Variants in MCTP1 observed in about 807,000 individuals in gnomAD.
The protein encoded by MCTP1 is multiple C2 and transmembrane domain containing 1, also known as multiple C2 and transmembrane domain-containing protein 1.
In MCTP1, 69 loss-of-function variants were observed where a neutral mutation model predicts 120.6. The ratio of observed to expected loss-of-function variants is 0.57; its 90% CI spans 0.47 to 0.70. The LOEUF (loss-of-function observed/expected upper bound fraction) is 0.70, where lower values mean the gene tolerates loss of function less well. Among genes scored for constraint, MCTP1 ranks in the 30% least tolerant of loss-of-function variants. The probability of loss-of-function intolerance (pLI) is 0.00; values close to 1 mark genes in which losing one functional copy is unlikely to be tolerated. For synonymous variants in MCTP1, 529 were observed against 493.1 expected (o/e 1.07, Z -0.96); for missense variants, 1,203 against 1,248.8 (o/e 0.96, Z 0.55).
At chr5:94,727,815 T>G (rs7735473) in intron 19 of MCTP1, among the ~76,000 whole-genome samples, 34,069 of 152,142 alleles carry the variant, frequency 0.22, 3,929 homozygotes, top group East Asian at 0.35. Context: ...ATCCACCACT[T>G]TCAGACCTTG....
intron 19 of MCTP1, among the ~76,000 whole-genome samples, chr5:94,725,469 T>C (rs1404446000): frequency 1.3e-5 from 2 of 152,208 alleles, no homozygotes; most frequent in Non-Finnish European, 2.9e-5. Context: ...AGGTTTTTTG[T>C]GTGTGTTTCT....
chr5:95,132,481 A>G (rs1379477269), intron 1 of MCTP1, among the ~76,000 whole-genome samples: 1 of 152,268 alleles, frequency 6.6e-6, no homozygotes, highest in African/African-American at 2.4e-5. Context: ...AATGCATAAA[A>G]CAACAGAGAA....
rs1417307304 is a variant in MCTP1, at chr5:94,868,133, A to AG, written c.2436+199dup. On this transcript the variant is annotated intron_variant, in intron 17 of 22. Transcript: ENST00000515393. Reference sequence around the variant, plus strand: ...AGATGTCTTGCGTTCCGGAAATCTGAGGGGGGAAAATGTATTCTTAGACTC... The same window carrying AG: ...AGATGTCTTGCGTTCCGGAAATCTGAGGGGGGGAAAATGTATTCTTAGACTC... 4 of 396,672 alleles carry AG rather than the reference A, an allele frequency of 1.0e-5. No homozygotes were observed. In the East Asian group the frequency reaches 1.6e-4, roughly 16 times the overall value. The allele number at this position is 396,672 out of a possible 1,614,324, so 24.6% of individuals were successfully genotyped here.
intron 17 of MCTP1, among the ~76,000 whole-genome samples, chr5:94,806,397 T>C (rs1230690945): frequency 1.3e-5 from 2 of 152,228 alleles, no homozygotes; most frequent in African/African-American, 4.8e-5. Flanking sequence ...CAAGGCATAC[T>C]ATACAAAGTA....
chr5:95,224,506 C>CT lies in MCTP1; in HGVS notation c.720+59349dup, dbSNP rs11324947. Among the ~76,000 whole-genome samples, 335 of 111,378 alleles carry CT rather than the reference C, an allele frequency of 3.0e-3. 2 individuals are homozygous for CT. Among genetic ancestry groups the CT allele is most frequent in the African/African-American group, 7.1e-3 (206 of 29,158 alleles). 73.1% of individuals were successfully genotyped at this position (111,378 alleles called of 152,430 possible). A position where few individuals can be genotyped will look rare whatever the true frequency, so the allele number is the denominator to read the frequency against. On this transcript the variant is annotated intron_variant, in intron 1 of 22. Coordinates refer to ENST00000515393, the MANE Select transcript of MCTP1 (RefSeq NM_024717.7). ...AATATTTTAGGTGCACACAGACTGT[C>CT]TTTTTTTTTTTTTTTTTTTGAGACA...
intron 1 of MCTP1, among the ~76,000 whole-genome samples, chr5:95,017,773 A>G (rs1222170456): frequency 1.3e-5 from 2 of 152,152 alleles, no homozygotes; most frequent in Admixed American, 6.6e-5. Context: ...ACACAATTCA[A>G]CTAAGAAATA....
At chr5:95,118,314 C>G (rs1305145130) in intron 1 of MCTP1, among the ~76,000 whole-genome samples, 4 of 151,970 alleles carry the variant, frequency 2.6e-5, no homozygotes, top group African/African-American at 9.7e-5. Context: ...GTATTAAGTT[C>G]TTATCAGCTT....
At chr5:94,975,242 C>A (rs981034381) in intron 2 of MCTP1, among the ~76,000 whole-genome samples, 1 of 151,984 alleles carries the variant, frequency 6.6e-6, no homozygotes, top group South Asian at 2.1e-4. Context: ...CCCGCAACTC[C>A]CTGCCAAATT....
At chr5:94,912,417 T>G in intron 9 of MCTP1, among the ~76,000 whole-genome samples, 1 of 89,388 alleles carries the variant, frequency 1.1e-5, no homozygotes, top group African/African-American at 4.7e-5. Context: ...GGTGACAGAG[T>G]GAGACTCCAT....
At chr5:95,090,462 C>A (rs1167364890) in intron 1 of MCTP1, among the ~76,000 whole-genome samples, 2 of 152,136 alleles carry the variant, frequency 1.3e-5, no homozygotes, top group Non-Finnish European at 2.9e-5. Context: ...AGGAATCAGT[C>A]CTCGGTCCTT....
intron 20 of MCTP1, among the ~76,000 whole-genome samples, chr5:94,713,467 A>ATCCATGGTCTTTTGGTAT (rs1243410155): frequency 1.3e-5 from 2 of 152,044 alleles, no homozygotes; most frequent in African/African-American, 4.8e-5. Context: ...TCACTGCCTG[A>ATCCATGGTCTTTTGGTAT]TCCATGGTCT....
intron 1 of MCTP1, among the ~76,000 whole-genome samples, chr5:95,254,890 T>C (rs917726704): frequency 6.6e-6 from 1 of 152,182 alleles, no homozygotes; most frequent in Non-Finnish European, 1.5e-5. Flanking sequence ...TTGATATCAC[T>C]CTTTTCAAAT....
intron 1 of MCTP1, chr5:95,068,916 G>A (rs1474868192): frequency 2.2e-5 from 13 of 603,554 alleles, no homozygotes; most frequent in South Asian, 1.1e-4. Flanking sequence ...AGCTAAAAGC[G>A]AATTAGGCTT....
At chr5:94,838,000 T>C (rs1211303724) in intron 17 of MCTP1, among the ~76,000 whole-genome samples, 1 of 152,240 alleles carries the variant, frequency 6.6e-6, no homozygotes, top group Non-Finnish European at 1.5e-5. Context: ...GTTGACTGGG[T>C]CATTGGTAAT....
chr5:94,903,173 GT>G (rs776792726), intron 10 of MCTP1, among the ~76,000 whole-genome samples: 133 of 151,670 alleles, frequency 8.8e-4, no homozygotes, highest in Middle Eastern at 3.4e-3. Context: ...AAAATACAAT[GT>G]TTTTTTTAAA....
At chr5:94,915,180 C>A (rs10039012) in intron 8 of MCTP1, among the ~76,000 whole-genome samples, 1 of 152,048 alleles carries the variant, frequency 6.6e-6, no homozygotes. Flanking sequence ...TTGGTTCCCA[C>A]GAAAACCCCA....
chr5:94,875,348 C>G (rs981303682), intron 12 of MCTP1, among the ~76,000 whole-genome samples: 4 of 151,930 alleles, frequency 2.6e-5, no homozygotes, highest in Non-Finnish European at 5.9e-5. Flanking sequence ...ATCCAGGAAG[C>G]CGGTGTGGCT....
chr5:95,108,612 T>C (rs1265234016), intron 1 of MCTP1, among the ~76,000 whole-genome samples: 2 of 152,228 alleles, frequency 1.3e-5, no homozygotes, highest in African/African-American at 4.8e-5. Context: ...TTCATAACAT[T>C]TATTCCATCT....
At chr5:95,010,447 C>T (rs868786518) in intron 2 of MCTP1, among the ~76,000 whole-genome samples, 4 of 152,072 alleles carry the variant, frequency 2.6e-5, no homozygotes, top group Admixed American at 6.6e-5. Context: ...TATATAAATT[C>T]GCAAATCTCA....
Sources: allele counts gnomAD v4.1 joint callset (sites outside exome capture counted in the v4.1 genomes callset), GRCh38; gene constraint gnomAD v4.1.1; transcripts MANE v1.5; gene names NCBI Gene and HGNC (gene_info 2026-07-23, HGNC 2026-07-21).